Variants in ZRANB3 observed in about 807,000 individuals in gnomAD.
The protein encoded by ZRANB3 is zinc finger RANBP2-type containing 3, also known as DNA annealing helicase and endonuclease ZRANB3.
Under a neutral mutation model 133.8 loss-of-function variants are expected in ZRANB3, and 125 were observed. The observed-to-expected ratio is 0.93, with a 90% confidence interval of 0.81 to 1.08. ZRANB3 has a LOEUF of 1.08. ZRANB3 is among the 50% of genes least tolerant of loss of function. The probability of loss-of-function intolerance (pLI) is 0.00; values close to 1 mark genes in which losing one functional copy is unlikely to be tolerated. For synonymous variants in ZRANB3, 387 were observed against 432.7 expected (o/e 0.89, Z 1.31); for missense variants, 1,229 against 1,275.5 (o/e 0.96, Z 0.56).
rs1386071379 is a variant in ZRANB3 at position 135,200,375 on chromosome 2, T to C, written c.3207A>G (p.Gly1069=). 3 of 1,606,276 alleles carry C rather than the reference T, an allele frequency of 1.9e-6. No individual in the cohort carries two copies. The East Asian group carries it at 6.7e-5, about 36-fold the overall frequency. ...TTACCAAAAATCGTGTGATGTCTGA[T>C]CCATGCTTTGATGCTAGAGATTGTC... is the stretch of plus-strand genomic sequence containing the variant. ...VRRQSLASKH[G]SDITRFLVKK The change falls in exon 21 of 21, where the codon GGA becomes GGG. Residue 1069 remains glycine, a synonymous_variant. Transcript: ENST00000264159.
At chr2:135,352,262 G>A (rs909787072) in intron 4 of ZRANB3, among the ~76,000 whole-genome samples, 1 of 151,818 alleles carries the variant, frequency 6.6e-6, no homozygotes, top group Non-Finnish European at 1.5e-5. Context: ...AACCCAGGAT[G>A]CAGAGGTTGC....
intron 3 of ZRANB3, among the ~76,000 whole-genome samples, chr2:135,386,131 C>CA (rs1283286791): frequency 1.3e-5 from 2 of 150,154 alleles, no homozygotes; most frequent in African/African-American, 4.9e-5. Flanking sequence ...ACAGAGAACT[C>CA]AAACAAATTA....
At chr2:135,447,808 T>A (rs1406436110) in intron 2 of ZRANB3, among the ~76,000 whole-genome samples, 1 of 152,234 alleles carries the variant, frequency 6.6e-6, no homozygotes, top group African/African-American at 2.4e-5. Context: ...CTCTTCACTA[T>A]CATGGGTTTA....
chr2:135,296,443 A>T (rs1682102625), intron 8 of ZRANB3, among the ~76,000 whole-genome samples: 1 of 151,198 alleles, frequency 6.6e-6, no homozygotes, highest in African/African-American at 2.4e-5. Context: ...TCCTTTAAGT[A>T]CTTTTGTGCA....
At chr2:135,315,121 C>T (rs1313414289) in intron 7 of ZRANB3, among the ~76,000 whole-genome samples, 2 of 151,984 alleles carry the variant, frequency 1.3e-5, no homozygotes, top group Admixed American at 1.3e-4. Flanking sequence ...CTTTTTTCAG[C>T]AAAAATACTT....
chr2:135,278,088 G>A (rs1309999621), intron 8 of ZRANB3, among the ~76,000 whole-genome samples: 1 of 152,062 alleles, frequency 6.6e-6, no homozygotes, highest in Non-Finnish European at 1.5e-5. Context: ...CATAACTGAA[G>A]GGCATGAGTT....
At chr2:135,482,336 C>A (rs1215515000) in intron 2 of ZRANB3, among the ~76,000 whole-genome samples, 1 of 137,578 alleles carries the variant, frequency 7.3e-6, no homozygotes, top group Non-Finnish European at 1.5e-5. Flanking sequence ...CTTCACATCC[C>A]TTGTAAGTTG....
intron 12 of ZRANB3, among the ~76,000 whole-genome samples, chr2:135,248,751 C>T (rs529368045): frequency 6.6e-6 from 1 of 152,168 alleles, no homozygotes; most frequent in South Asian, 2.1e-4. Context: ...ACAAAAACTA[C>T]AAAAATTAGC....
intron 6 of ZRANB3, among the ~76,000 whole-genome samples, chr2:135,341,744 C>T (rs1573941635): frequency 6.7e-6 from 1 of 149,854 alleles, no homozygotes; most frequent in African/African-American, 2.5e-5. Flanking sequence ...GGGCGGGGGG[C>T]CTCTAAAATG....
chr2:135,402,071 G>T (rs1397046030), intron 2 of ZRANB3, among the ~76,000 whole-genome samples: 1 of 151,650 alleles, frequency 6.6e-6, no homozygotes, highest in African/African-American at 2.4e-5. Context: ...ATAAGTATAT[G>T]AAATTTTTTA....
chr2:135,362,854 AT>A (rs1161546914), intron 3 of ZRANB3, among the ~76,000 whole-genome samples: 6 of 152,126 alleles, frequency 3.9e-5, no homozygotes, highest in Admixed American at 3.9e-4. Flanking sequence ...TTAATGTGGT[AT>A]TTTTATCCTC....
At chr2:135,337,712 T>C (rs544629604) in intron 6 of ZRANB3, among the ~76,000 whole-genome samples, 1 of 152,236 alleles carries the variant, frequency 6.6e-6, no homozygotes, top group South Asian at 2.1e-4. Flanking sequence ...AACTAAGAAC[T>C]GTGTCACAGA....
At chr2:135,280,702 G>A (rs1681063093) in intron 8 of ZRANB3, among the ~76,000 whole-genome samples, 1 of 151,862 alleles carries the variant, frequency 6.6e-6, no homozygotes, top group African/African-American at 2.4e-5. Flanking sequence ...CTAAAGACCT[G>A]TTAAAAGTTA....
At chr2:135,311,156 A>G (rs1007805062) in intron 8 of ZRANB3, among the ~76,000 whole-genome samples, 1 of 152,198 alleles carries the variant, frequency 6.6e-6, no homozygotes, top group African/African-American at 2.4e-5. Flanking sequence ...ATATGGACTC[A>G]ATATGAACAG....
chr2:135,407,210 C>T (rs892392020), intron 2 of ZRANB3, among the ~76,000 whole-genome samples: 1 of 152,142 alleles, frequency 6.6e-6, no homozygotes, highest in Non-Finnish European at 1.5e-5. Context: ...CATGAGTGAA[C>T]TCCCATTCAC....
At chr2:135,463,666 C>T (rs1159633808) in intron 2 of ZRANB3, among the ~76,000 whole-genome samples, 2 of 152,184 alleles carry the variant, frequency 1.3e-5, no homozygotes, top group African/African-American at 4.8e-5. Context: ...ATCTGCCCGC[C>T]TCAGCCTCCC....
intron 12 of ZRANB3, among the ~76,000 whole-genome samples, chr2:135,256,209 T>A (rs537956080): frequency 1.4e-4 from 21 of 152,320 alleles, no homozygotes; most frequent in African/African-American, 4.8e-4. Flanking sequence ...TGTGTCTCTA[T>A]GGATTTGCCT....
Position 135,402,788 on chromosome 2 carries a change from G to T in ZRANB3, c.162-11968C>A, listed in dbSNP as rs191062140. 6.6e-5 allele frequency among the ~76,000 whole-genome samples: 10 copies of T among 152,210 alleles called. No individual in the cohort carries two copies. The East Asian group carries it at 1.9e-3, about 29-fold the overall frequency. On this transcript the variant is annotated intron_variant, in intron 2 of 20. Coordinates refer to ENST00000264159, the MANE Select transcript of ZRANB3 (RefSeq NM_032143.4). ...TTTTGTAGAGACGAGGTTGCACCAT[G>T]TTGGCCAGACTGGTCTGGAACTCCT...
intron 11 of ZRANB3, among the ~76,000 whole-genome samples, chr2:135,268,042 A>G (rs536801453): frequency 6.6e-6 from 1 of 152,162 alleles, no homozygotes; most frequent in East Asian, 1.9e-4. Context: ...TCCTAATCTC[A>G]GACTTCTAGC....
Sources: gnomAD v4.1 joint callset for allele counts (sites outside exome capture counted in the v4.1 genomes callset) on GRCh38, gnomAD v4.1.1 for gene constraint, MANE v1.5 for transcripts, NCBI Gene and HGNC (gene_info 2026-07-23, HGNC 2026-07-21) for gene names.